RUNX1: variants seen among roughly 807,000 people sequenced by gnomAD.
The protein encoded by RUNX1 is RUNX family transcription factor 1, also known as runt-related transcription factor 1.
Under a neutral mutation model 42.8 loss-of-function variants are expected in RUNX1, and 19 were observed. That is an observed-to-expected ratio of 0.44 (90% CI 0.31 to 0.65). RUNX1 has a LOEUF of 0.65. Ranked by LOEUF, RUNX1 falls within the 30% of genes least tolerant of loss-of-function variation. RUNX1 has a pLI of 0.07. For missense variants in RUNX1, 528 were observed against 672.0 expected (o/e 0.79, Z 2.37); for synonymous variants, 271 against 289.4 (o/e 0.94, Z 0.64).
chr21:34,931,257 G>T (rs1371614493), intron 2 of RUNX1, among the ~76,000 whole-genome samples: 1 of 151,036 alleles, frequency 6.6e-6, no homozygotes, highest in African/African-American at 2.4e-5. Context: ...TAAGCGTCTG[G>T]AAGGTAGTGT....
intron 2 of RUNX1, among the ~76,000 whole-genome samples, chr21:35,042,810 G>A (rs138747227): frequency 6.6e-5 from 10 of 152,264 alleles, no homozygotes; most frequent in East Asian, 5.8e-4. Flanking sequence ...TTTTCTCTAC[G>A]TGCAGCCAAA....
intron 7 of RUNX1, among the ~76,000 whole-genome samples, chr21:34,825,433 C>G (rs1044271219): frequency 6.6e-6 from 1 of 151,732 alleles, no homozygotes; most frequent in Non-Finnish European, 1.5e-5. Context: ...AATATCTGAT[C>G]TCATCTAAAA....
At chr21:34,943,203 C>T (rs988975773) in intron 2 of RUNX1, among the ~76,000 whole-genome samples, 15 of 152,186 alleles carry the variant, frequency 9.9e-5, no homozygotes, top group African/African-American at 2.9e-4. Context: ...TTCTACTGTT[C>T]GGGGTTTTAT....
intron 2 of RUNX1, among the ~76,000 whole-genome samples, chr21:35,041,746 T>C (rs2059361145): frequency 6.7e-6 from 1 of 149,698 alleles, no homozygotes. Flanking sequence ...GGGCCAGTAA[T>C]CACACAGCAA....
At chr21:34,930,285 T>A (rs894960331) in intron 2 of RUNX1, among the ~76,000 whole-genome samples, 1 of 137,114 alleles carries the variant, frequency 7.3e-6, no homozygotes, top group Non-Finnish European at 1.5e-5. Flanking sequence ...TATATATATA[T>A]ATATATAAAT....
intron 2 of RUNX1, among the ~76,000 whole-genome samples, chr21:34,900,848 G>C (rs775790548): frequency 5.9e-5 from 9 of 152,140 alleles, no homozygotes; most frequent in Non-Finnish European, 1.3e-4. Context: ...TCAGAAATTG[G>C]AGGTTCTATT....
At chr21:35,044,001 T>C (rs1413318676) in intron 2 of RUNX1, among the ~76,000 whole-genome samples, 1 of 152,220 alleles carries the variant, frequency 6.6e-6, no homozygotes. Context: ...TCTGTTGTCC[T>C]TGTGTGTTCA....
chr21:34,872,963 A>C (rs1193216055), intron 5 of RUNX1, among the ~76,000 whole-genome samples: 1 of 152,216 alleles, frequency 6.6e-6, no homozygotes, highest in Non-Finnish European at 1.5e-5. Context: ...TAAACTGCCC[A>C]GTGGTTTCAG....
At chr21:34,918,835 G>A (rs1264540460) in intron 2 of RUNX1, among the ~76,000 whole-genome samples, 1 of 152,202 alleles carries the variant, frequency 6.6e-6, no homozygotes, top group Admixed American at 6.5e-5. Flanking sequence ...GAACCCAGCA[G>A]ATGGAGGTTG....
chr21:34,870,238 T>C (rs993273859), intron 5 of RUNX1, among the ~76,000 whole-genome samples: 3 of 152,182 alleles, frequency 2.0e-5, no homozygotes, highest in Admixed American at 6.5e-5. Context: ...AGAGTCCCCA[T>C]TGTCTGCCCC....
chr21:34,852,939 T>G (rs1473209433), intron 6 of RUNX1, among the ~76,000 whole-genome samples: 3 of 152,152 alleles, frequency 2.0e-5, no homozygotes, highest in African/African-American at 7.2e-5. Flanking sequence ...CATCTGACAT[T>G]TTCATAATCA....
intron 7 of RUNX1, among the ~76,000 whole-genome samples, chr21:34,818,407 A>G (rs1169037230): frequency 1.3e-5 from 2 of 152,324 alleles, no homozygotes; most frequent in Admixed American, 6.5e-5. Flanking sequence ...AGGGCCCGAG[A>G]GGCAGCTGAC....
intron 2 of RUNX1, among the ~76,000 whole-genome samples, chr21:34,959,000 T>G (rs1338729187): frequency 6.7e-6 from 1 of 148,202 alleles, no homozygotes; most frequent in Non-Finnish European, 1.5e-5. Context: ...AATTGAACAA[T>G]GAGAACACAT....
At chr21:34,832,230 C>T (rs868568922) in intron 7 of RUNX1, among the ~76,000 whole-genome samples, 9 of 152,296 alleles carry the variant, frequency 5.9e-5, no homozygotes, top group African/African-American at 1.4e-4. Context: ...GCCCATCACA[C>T]GGTCCACAAT....
chr21:35,027,147 C>T (rs1270105741), intron 2 of RUNX1, among the ~76,000 whole-genome samples: 1 of 151,994 alleles, frequency 6.6e-6, no homozygotes, highest in Non-Finnish European at 1.5e-5. Context: ...GGGCAGGGGG[C>T]GAAGGGAGGG....
At chr21:34,855,362 A>G (rs1249410406) in intron 6 of RUNX1, among the ~76,000 whole-genome samples, 1 of 152,204 alleles carries the variant, frequency 6.6e-6, no homozygotes, top group African/African-American at 2.4e-5. Flanking sequence ...TTGTGAGCTG[A>G]GAGCTGGAGT....
chr21:34,875,032 A>G (rs1001337307), intron 5 of RUNX1, among the ~76,000 whole-genome samples: 1 of 152,204 alleles, frequency 6.6e-6, no homozygotes, highest in African/African-American at 2.4e-5. Context: ...TCAAACTATA[A>G]AATATTGTTC....
rs1414814020 is a variant in RUNX1 at position 34,859,514 on chromosome 21, T to C, written c.573A>G (p.Arg191=). Residue 191 remains arginine (R), a synonymous_variant, in exon 6 of 9, where the codon AGA becomes AGG. Transcript: ENST00000675419. ...GCCCATCCACTGTGATTTTGATGGCTCTGTGGTAGGTGGCGACTTGCGGTG... is the reference window on the plus strand; with the variant it reads ...GCCCATCCACTGTGATTTTGATGGCCCTGTGGTAGGTGGCGACTTGCGGTG... ...TNPPQVATYH[R]AIKITVDGPR... is the part of the protein sequence containing the mutation. The C allele has an allele frequency of 6.2e-7, 1 of 1,614,176 alleles. No homozygotes were observed. The highest frequency in any genetic ancestry group is 8.5e-7 in the Non-Finnish European group (1 of 1,180,030).
In RUNX1 at chr21:34,907,973, G is replaced by C. The variant is rs60634689; in HGVS notation, c.59-15010C>G. Among the ~76,000 whole-genome samples, 13 of 152,264 alleles carry C rather than the reference G, an allele frequency of 8.5e-5. No individual in the cohort carries two copies. In the East Asian group the frequency reaches 2.5e-3, roughly 29 times the overall value. On this transcript the variant is annotated intron_variant, in intron 2 of 8. Transcript: ENST00000675419. The surrounding 1 kb of genome is among the most constrained non-coding windows in gnomAD (Gnocchi z 5.3). The stretch of plus-strand genomic sequence containing the variant: ...GGCTCTTCTAAGCTCCCGAAACAGT[G>C]GCTGATCTGGGACCCCCTGACCTGT...
Sources: allele counts gnomAD v4.1 joint callset (sites outside exome capture counted in the v4.1 genomes callset), GRCh38; gene constraint gnomAD v4.1.1; non-coding constraint Gnocchi (gnomAD v3.1); transcripts MANE v1.5; gene names NCBI Gene and HGNC (gene_info 2026-07-23, HGNC 2026-07-21).